MAST4: variants seen among roughly 807,000 people sequenced by gnomAD.
MAST4 encodes microtubule-associated serine/threonine-protein kinase 4.
In MAST4, 89 loss-of-function variants were observed where a neutral mutation model predicts 162.7. The ratio of observed to expected loss-of-function variants is 0.55; its 90% CI spans 0.46 to 0.65. MAST4 has a LOEUF of 0.65. MAST4 is among the 30% of genes least tolerant of loss of function. The pLI is 0.00. For synonymous variants in MAST4, 1,479 were observed against 1,361.1 expected (o/e 1.09, Z -1.91); for missense variants, 3,153 against 3,374.0 (o/e 0.93, Z 1.62).
intron 4 of MAST4, among the ~76,000 whole-genome samples, chr5:66,924,698 A>G (rs1764770442): frequency 6.6e-6 from 1 of 152,196 alleles, no homozygotes; most frequent in Non-Finnish European, 1.5e-5. Context: ...GGGCCTGTAG[A>G]AAATAATTTA....
chr5:66,980,582 C>T (rs985068863), intron 4 of MAST4, among the ~76,000 whole-genome samples: 1 of 152,074 alleles, frequency 6.6e-6, no homozygotes, highest in Admixed American at 6.6e-5. Context: ...TGGCTGATGA[C>T]CTCAATTCAT....
intron 1 of MAST4, among the ~76,000 whole-genome samples, chr5:66,706,199 A>G (rs553687952): frequency 2.6e-5 from 4 of 152,154 alleles, no homozygotes; most frequent in African/African-American, 4.8e-5. Context: ...TTGCCATACT[A>G]TCCCCCAAAT....
At chr5:67,059,949 G>C (rs1759343954) in intron 5 of MAST4, among the ~76,000 whole-genome samples, 1 of 152,026 alleles carries the variant, frequency 6.6e-6, no homozygotes, top group Admixed American at 6.6e-5. Flanking sequence ...TCTTCAAAAT[G>C]AATCACGTGA....
chr5:66,743,306 C>G (rs1752574352), intron 1 of MAST4, among the ~76,000 whole-genome samples: 1 of 152,046 alleles, frequency 6.6e-6, no homozygotes, highest in African/African-American at 2.4e-5. Context: ...TTCATGTTCC[C>G]TTGAGAGGTT....
intron 1 of MAST4, among the ~76,000 whole-genome samples, chr5:66,727,951 G>A (rs1430207775): frequency 6.6e-6 from 1 of 152,034 alleles, no homozygotes; most frequent in Non-Finnish European, 1.5e-5. Flanking sequence ...GTTTGCTTCT[G>A]GGACTCTGGG....
chr5:67,082,172 C>T (rs938177344), intron 5 of MAST4, among the ~76,000 whole-genome samples: 9 of 124,700 alleles, frequency 7.2e-5, no homozygotes, highest in East Asian at 4.5e-4. Context: ...TTTTTTGAGA[C>T]GGAGTCTCAC....
intron 3 of MAST4, among the ~76,000 whole-genome samples, chr5:66,852,689 C>T (rs934753790): frequency 2.6e-5 from 4 of 152,240 alleles, no homozygotes; most frequent in Non-Finnish European, 5.9e-5. Flanking sequence ...ATTAGAAACA[C>T]AGATAAATCT....
intron 6 of MAST4, among the ~76,000 whole-genome samples, chr5:67,094,631 C>G (rs975648259): frequency 6.6e-6 from 1 of 151,964 alleles, no homozygotes; most frequent in African/African-American, 2.4e-5. Flanking sequence ...CACAGTCTTG[C>G]GTTTAAAGTA....
At chr5:66,738,143 C>T (rs755018079) in intron 1 of MAST4, 1 of 152,212 alleles carries the variant, frequency 6.6e-6, no homozygotes, top group Non-Finnish European at 1.5e-5. Context: ...ATTTCTTACT[C>T]GTGCTTTATA....
intron 1 of MAST4, among the ~76,000 whole-genome samples, chr5:66,747,601 C>A (rs141026150): frequency 2.0e-4 from 31 of 152,312 alleles, no homozygotes; most frequent in African/African-American, 7.2e-4. Context: ...TCTATCTGTG[C>A]TCTTCCTCTG....
chr5:67,059,402 T>G (rs1759280808), intron 5 of MAST4, among the ~76,000 whole-genome samples: 1 of 152,220 alleles, frequency 6.6e-6, no homozygotes, highest in Non-Finnish European at 1.5e-5. Flanking sequence ...GTAGTATTCA[T>G]TTTTGATTGA....
Position 67,145,391 on chromosome 5 carries a change from G to A in MAST4, c.3094+12G>A, listed in dbSNP as rs751715831. 1.2e-6 allele frequency: 2 copies of A among 1,608,150 alleles called. No individual in the cohort carries two copies. Among genetic ancestry groups the A allele is most frequent in the Non-Finnish European group, 1.7e-6 (2 of 1,176,600 alleles). Reference sequence around the variant, plus strand: ...CTCCACCCTGTCAGGTAAGCCCCGGGCCATAGTGCCTGCTGTCCTCCTCAC... The same window carrying A: ...CTCCACCCTGTCAGGTAAGCCCCGGACCATAGTGCCTGCTGTCCTCCTCAC... On this transcript the variant is annotated intron_variant, in intron 23 of 28. Transcript: ENST00000403625.
intron 3 of MAST4, among the ~76,000 whole-genome samples, chr5:66,822,046 G>A (rs1757020257): frequency 6.6e-6 from 1 of 152,164 alleles, no homozygotes; most frequent in African/African-American, 2.4e-5. Context: ...GCTTCCTGAT[G>A]ATAAGCCCAT....
At chr5:66,820,107 A>G (rs1283777183) in intron 3 of MAST4, among the ~76,000 whole-genome samples, 3 of 151,924 alleles carry the variant, frequency 2.0e-5, no homozygotes, top group Non-Finnish European at 4.4e-5. Flanking sequence ...GGTGTGCATC[A>G]CTGCACTCAG....
chr5:66,975,849 G>A (rs1748078521), intron 4 of MAST4, among the ~76,000 whole-genome samples: 1 of 152,230 alleles, frequency 6.6e-6, no homozygotes, highest in East Asian at 1.9e-4. Flanking sequence ...ACAAAAATTA[G>A]CTGGGCTTGG....
chr5:67,149,639 C>T (rs1771562798), intron 24 of MAST4, 50 bp downstream of exon 24: 1 of 1,551,422 alleles, frequency 6.4e-7, no homozygotes, highest in African/African-American at 1.4e-5. Flanking sequence ...CATGTGGTCC[C>T]ATCCCTCCTC....
Position 66,847,244 on chromosome 5 carries a change from C to T in MAST4, c.643-52707C>T, listed in dbSNP as rs370862485. ...CAGGGACCACAAGGATGGCATGTGA[C>T]GTACACTAAGTCTAGCAGAGTGAAT... On this transcript the variant is annotated intron_variant, in intron 3 of 28. Transcript: ENST00000403625. Among the ~76,000 whole-genome samples the T allele has an allele frequency of 7.2e-5, 11 of 152,168 alleles. No homozygotes were observed. The East Asian group carries it at 1.3e-3, about 19-fold the overall frequency.
intron 1 of MAST4, among the ~76,000 whole-genome samples, chr5:66,700,798 TATAC>T (rs201648087): frequency 0.28 from 38,062 of 135,634 alleles, 5,257 homozygotes; most frequent in East Asian, 0.51. Context: ...TATATATATA[TATAC>T]ACACACACAC....
chr5:66,925,139 G>A (rs1008483951), intron 4 of MAST4, among the ~76,000 whole-genome samples: 1 of 152,120 alleles, frequency 6.6e-6, no homozygotes, highest in Non-Finnish European at 1.5e-5. Flanking sequence ...TTTGGCATGT[G>A]TTTTCTTTCC....
Sources: allele counts gnomAD v4.1 joint callset (sites outside exome capture counted in the v4.1 genomes callset), GRCh38; gene constraint gnomAD v4.1.1; transcripts MANE v1.5; gene names NCBI Gene and HGNC (gene_info 2026-07-23, HGNC 2026-07-21).